NPM2: variants seen among roughly 807,000 people sequenced by gnomAD.
The protein encoded by NPM2 is nucleophosmin/nucleoplasmin 2, also known as nucleoplasmin-2.
In NPM2, 25 loss-of-function variants were observed where a neutral mutation model predicts 32.0. That is an observed-to-expected ratio of 0.78 (90% CI 0.57 to 1.09). The LOEUF (loss-of-function observed/expected upper bound fraction) is 1.09, where lower values mean the gene tolerates loss of function less well. NPM2 is among the 50% of genes least tolerant of loss of function. The pLI is 0.00. For missense variants in NPM2, 282 were observed against 259.9 expected, an observed-to-expected ratio of 1.08 and a Z score of -0.58; for synonymous variants, 111 against 94.2, an observed-to-expected ratio of 1.18 and a Z score of -1.04.
chr8:22,034,586 G>C (rs1449506301), intron 8 of NPM2, 42 bp downstream of exon 8: 8 of 1,490,854 alleles, frequency 5.4e-6, no homozygotes, highest in African/African-American at 2.8e-5. Context: ...GTCTCCAGCT[G>C]AGATATACAG....
At chr8:22,027,587 T>C (rs1283567485) in intron 5 of NPM2, among the ~76,000 whole-genome samples, 3 of 151,754 alleles carry the variant, frequency 2.0e-5, no homozygotes, top group African/African-American at 7.3e-5. Context: ...TTTTTCCAGT[T>C]AGCCAAGACA....
At chr8:22,034,379 T>C in intron 7 of NPM2, 104 bp downstream of exon 7, 4 of 1,394,392 alleles carry the variant, frequency 2.9e-6, no homozygotes, top group Non-Finnish European at 3.0e-6. Flanking sequence ...AGAATGAGTG[T>C]ACAGGATGGG....
chr8:22,029,216 C>T (rs529801338), intron 5 of NPM2, among the ~76,000 whole-genome samples: 2 of 152,284 alleles, frequency 1.3e-5, no homozygotes, highest in South Asian at 4.1e-4. Context: ...TCTTGACTCA[C>T]TGCAACCTCT....
chr8:22,028,659 C>T (rs1800336788), intron 5 of NPM2, among the ~76,000 whole-genome samples: 1 of 152,070 alleles, frequency 6.6e-6, no homozygotes, highest in Admixed American at 6.6e-5. Context: ...CAGGTTAGAT[C>T]ATGTGGCTTC....
chr8:22,028,485 A>ATTTT (rs34390285), intron 5 of NPM2, among the ~76,000 whole-genome samples: 6 of 139,310 alleles, frequency 4.3e-5, no homozygotes, highest in African/African-American at 1.3e-4. Flanking sequence ...TGCCCAGCTG[A>ATTTT]TTTTTTTTTT....
intron 8 of NPM2, among the ~76,000 whole-genome samples, chr8:22,035,855 C>A (rs912909857): frequency 6.6e-6 from 1 of 151,492 alleles, no homozygotes; most frequent in African/African-American, 2.4e-5. Context: ...ATCACTTAGA[C>A]CCGGAATGCG....
chr8:22,036,243 C>G (rs1800616048), intron 8 of NPM2: 1 of 474,520 alleles, frequency 2.1e-6, no homozygotes, highest in African/African-American at 2.0e-5. Context: ...AACCAGACTC[C>G]ATCTCAAAAA....
At chr8:22,026,163 G>A (rs1021604509) in intron 5 of NPM2, among the ~76,000 whole-genome samples, 12 of 152,094 alleles carry the variant, frequency 7.9e-5, no homozygotes, top group Admixed American at 7.9e-4. Flanking sequence ...TAAGCTGTGC[G>A]TGCGAGGGGT....
chr8:22,036,790 G>A lies in NPM2; in HGVS notation c.*108G>A. On this transcript the variant is annotated 3_prime_UTR_variant, in exon 10 of 10. Transcript: ENST00000518119. ...TCCACCTGTGTCTGAATGCAACAGG[G>A]GTGTTGCGGGGGCAACATGAGAGCC... The A allele has an allele frequency of 8.9e-7, 1 of 1,127,344 alleles. No individual in the cohort carries two copies. Among genetic ancestry groups the A allele is most frequent in the East Asian group, 2.7e-5 (1 of 36,558 alleles). The allele number at this position is 1,127,344 out of a possible 1,614,324, so 69.8% of individuals were successfully genotyped here.
chr8:22,029,614 T>G (rs1800368099), intron 5 of NPM2, among the ~76,000 whole-genome samples: 1 of 152,276 alleles, frequency 6.6e-6, no homozygotes, highest in African/African-American at 2.4e-5. Flanking sequence ...CACCCACTTC[T>G]TCCTTCTTGA....
intron 5 of NPM2, among the ~76,000 whole-genome samples, chr8:22,029,186 G>A (rs141099339): frequency 5.3e-5 from 8 of 151,790 alleles, no homozygotes; most frequent in Non-Finnish European, 1.2e-4. Context: ...TGTTTCCCAG[G>A]CTAGAGTGCA....
rs761339411 is a variant in NPM2, at chr8:22,025,680, C to G, written c.178C>G (p.His60Asp). Residue 60 changes from histidine to aspartate, a missense_variant, in exon 5 of 10, where the codon CAT (histidine) becomes GAT (aspartate). His to Asp is a moderately conservative substitution (Grantham distance 81, BLOSUM62 -1). Transcript: ENST00000518119. ...CLGEKAKEEM[H>D]RVEILPPANQ... ...GGGGGAGAAAGCCAAAGAGGAGATG[C>G]ATCGCGTGGAGATCCTGCCCCCAGC... 1.2e-6 allele frequency: 2 copies of G among 1,614,158 alleles called. No individual in the cohort carries two copies. Among genetic ancestry groups the G allele is most frequent in the South Asian group, 2.2e-5 (2 of 91,092 alleles).
At chr8:22,025,158 C>T (rs759085503) in intron 2 of NPM2, 58 bp from the exon 3 acceptor site, 11 of 1,426,454 alleles carry the variant, frequency 7.7e-6, no homozygotes, top group South Asian at 6.4e-5. Context: ...TCTCTGGCAT[C>T]CTCCAGTCGA....
At chr8:22,029,930 T>C (rs1305408817) in intron 5 of NPM2, among the ~76,000 whole-genome samples, 2 of 152,156 alleles carry the variant, frequency 1.3e-5, no homozygotes, top group African/African-American at 4.8e-5. Context: ...TGTGTTCAGG[T>C]GTAGATTTAT....
intron 4 of NPM2, 58 bp downstream of exon 4, chr8:22,025,579 G>A (rs2117443850): frequency 6.2e-7 from 1 of 1,613,696 alleles, no homozygotes; most frequent in South Asian, 1.1e-5. Flanking sequence ...TGGTCCCAAC[G>A]GAGGGCTATG....
intron 7 of NPM2, 61 bp downstream of exon 7, chr8:22,034,336 GGGT>G: frequency 6.6e-7 from 1 of 1,508,984 alleles, no homozygotes; most frequent in Non-Finnish European, 9.0e-7. Flanking sequence ...CACTTAAGAG[GGGT>G]GGGCCACCGG....
intron 5 of NPM2, 133 bp from the exon 6 acceptor site, chr8:22,032,997 A>G (rs2117462092): frequency 1.5e-6 from 1 of 671,714 alleles, no homozygotes. Context: ...CTTGGACAGA[A>G]TCCACCTCAG....
intron 5 of NPM2, among the ~76,000 whole-genome samples, chr8:22,031,809 G>T (rs1166360288): frequency 6.6e-6 from 1 of 152,180 alleles, no homozygotes; most frequent in African/African-American, 2.4e-5. Context: ...CCCCTCGGTT[G>T]CAGCACACCA....
intron 8 of NPM2, among the ~76,000 whole-genome samples, chr8:22,034,964 C>A (rs901421900): frequency 6.6e-6 from 1 of 152,020 alleles, no homozygotes; most frequent in African/African-American, 2.4e-5. Flanking sequence ...AAAAATTAAC[C>A]GAGCCTGGTG....
Sources: gnomAD v4.1 joint callset for allele counts (sites outside exome capture counted in the v4.1 genomes callset) on GRCh38, gnomAD v4.1.1 for gene constraint, MANE v1.5 for transcripts, NCBI Gene and HGNC (gene_info 2026-07-23, HGNC 2026-07-21) for gene names.